ZDHHC6: variants seen among roughly 807,000 people sequenced by gnomAD.
ZDHHC6 encodes the protein zDHHC palmitoyltransferase 6.
ZDHHC6 carries 32 observed loss-of-function variants against 57.8 expected under a neutral mutation model. The ratio of observed to expected loss-of-function variants is 0.55; its 90% CI spans 0.42 to 0.74. The LOEUF is 0.74. Among genes scored for constraint, ZDHHC6 ranks in the 30% least tolerant of loss-of-function variants. The pLI is 0.00. For missense variants in ZDHHC6, 433 were observed against 500.7 expected (o/e 0.86, Z 1.29); for synonymous variants, 128 against 158.0 (o/e 0.81, Z 1.42).
At chr10:112,437,655 A>G (rs1845668483) in intron 6 of ZDHHC6, among the ~76,000 whole-genome samples, 1 of 152,216 alleles carries the variant, frequency 6.6e-6, no homozygotes, top group Non-Finnish European at 1.5e-5. Context: ...TAAAGATATA[A>G]AACGATGCTA....
chr10:112,438,310 T>C (rs779528926), intron 6 of ZDHHC6, 26 bp downstream of exon 6: 51 of 1,272,482 alleles, frequency 4.0e-5, no homozygotes, highest in South Asian at 1.2e-4. Context: ...TTTTTTAATA[T>C]TGAAGAAACA....
At chr10:112,428,509 GAC>G (rs1165831705), downstream of ZDHHC6, 6 of 397,956 alleles carry the variant, frequency 1.5e-5, no homozygotes, top group Non-Finnish European at 2.7e-5. Context: ...AGTTTAAAAA[GAC>G]ACTAATGCCC....
intron 5 of ZDHHC6, among the ~76,000 whole-genome samples, chr10:112,439,684 G>GGTT (rs1453026170): frequency 2.6e-5 from 3 of 115,484 alleles, no homozygotes; most frequent in Non-Finnish European, 5.4e-5. Context: ...GAAAAAGAAT[G>GGTT]GTTTTTGGTC....
At chr10:112,433,801 T>G (rs1393074992) in intron 7 of ZDHHC6, among the ~76,000 whole-genome samples, 1 of 152,164 alleles carries the variant, frequency 6.6e-6, no homozygotes, top group Non-Finnish European at 1.5e-5. Context: ...AAGTTACAGA[T>G]ATAAGATAGC....
chr10:112,446,529 T>G (rs531235842), intron 1 of ZDHHC6, 176 bp downstream of exon 1: 1 of 152,352 alleles, frequency 6.6e-6, no homozygotes, highest in East Asian at 1.9e-4. Context: ...CGCTGTTGAC[T>G]TGTGCCTCAG....
At chr10:112,425,505 C>T (rs753394340), downstream of ZDHHC6, 8 of 1,563,240 alleles carry the variant, frequency 5.1e-6, no homozygotes, top group Admixed American at 1.1e-4. Context: ...TTAACAATAG[C>T]CCATTTCAGT....
At chr10:112,429,052 T>G (rs537346171), downstream of ZDHHC6, among the ~76,000 whole-genome samples, 1 of 152,370 alleles carries the variant, frequency 6.6e-6, no homozygotes, top group African/African-American at 2.4e-5. Context: ...ACTCTAATTA[T>G]AATCTTGAAT....
At chr10:112,427,436 T>C, downstream of ZDHHC6, 1 of 1,397,408 alleles carries the variant, frequency 7.2e-7, no homozygotes, top group Non-Finnish European at 9.5e-7. Context: ...CTTACATTTG[T>C]TTTGCCTTTC....
At chr10:112,427,492 G>A, downstream of ZDHHC6, 1 of 781,012 alleles carries the variant, frequency 1.3e-6, no homozygotes, top group African/African-American at 1.8e-5. Flanking sequence ...CATAGCTTTT[G>A]TTTTATATTG....
intron 6 of ZDHHC6, among the ~76,000 whole-genome samples, chr10:112,437,552 A>G (rs2133842023): frequency 6.6e-6 from 1 of 152,390 alleles, no homozygotes; most frequent in East Asian, 1.9e-4. Context: ...AGATCTTCAC[A>G]TACTTCAATC....
chr10:112,425,567 A>C, downstream of ZDHHC6: 1 of 1,121,180 alleles, frequency 8.9e-7, no homozygotes, highest in Non-Finnish European at 1.2e-6. Context: ...AGTTGGGTTC[A>C]GAATGAGAAG....
intron 5 of ZDHHC6, among the ~76,000 whole-genome samples, chr10:112,439,124 G>A (rs1845825367): frequency 6.6e-6 from 1 of 152,150 alleles, no homozygotes; most frequent in Admixed American, 6.5e-5. Flanking sequence ...CCTTGGTGGA[G>A]GCTGCAATAA....
chr10:112,434,596 G>T, intron 6 of ZDHHC6, 132 bp from the exon 7 acceptor site: 1 of 885,282 alleles, frequency 1.1e-6, no homozygotes, highest in Non-Finnish European at 1.6e-6. Flanking sequence ...TAATATTAGT[G>T]TACATGGAAG....
intron 5 of ZDHHC6, among the ~76,000 whole-genome samples, chr10:112,439,187 CACAAACAA>C (rs77964508): frequency 1.3e-5 from 2 of 151,652 alleles, no homozygotes; most frequent in Admixed American, 1.3e-4. Flanking sequence ...CAGGCTCTGT[CACAAACAA>C]ACAAACAAAC....
chr10:112,424,414 T>C (rs1420084114), downstream of ZDHHC6: 1 of 152,226 alleles, frequency 6.6e-6, no homozygotes, highest in Non-Finnish European at 1.5e-5. Flanking sequence ...AATGTAACTT[T>C]TAAGAACACT....
At chr10:112,441,181 G>A (rs764908642) in intron 4 of ZDHHC6, among the ~76,000 whole-genome samples, 5 of 152,156 alleles carry the variant, frequency 3.3e-5, no homozygotes, top group Admixed American at 6.5e-5. Flanking sequence ...AGCTCGGACC[G>A]ATGTGCAGGA....
At chr10:112,443,646 C>G (rs1846362725) in intron 2 of ZDHHC6, 40 bp from the exon 3 acceptor site, 1 of 1,498,408 alleles carries the variant, frequency 6.7e-7, no homozygotes, top group Admixed American at 1.7e-5. Flanking sequence ...TCATCGGATA[C>G]TTGAATATAA....
At chr10:112,447,412 G>T, upstream of ZDHHC6, 2 of 1,613,646 alleles carry the variant, frequency 1.2e-6, no homozygotes, top group Non-Finnish European at 1.7e-6. Context: ...AGGACTTCGC[G>T]GTGCTCACTG....
chr10:112,425,327 G>C (rs774110068), downstream of ZDHHC6: 55 of 1,603,040 alleles, frequency 3.4e-5, no homozygotes, highest in South Asian at 6.0e-4. Flanking sequence ...ACTTTTATCT[G>C]TCTCATGTAG....
Sources: allele counts gnomAD v4.1 joint callset (sites outside exome capture counted in the v4.1 genomes callset), GRCh38; gene constraint gnomAD v4.1.1; transcripts MANE v1.5; gene names NCBI Gene and HGNC (gene_info 2026-07-23, HGNC 2026-07-21).